MITF: variants seen among roughly 807,000 people sequenced by gnomAD.
The protein encoded by MITF is microphthalmia-associated transcription factor.
A neutral mutation model predicts 60.5 loss-of-function variants in MITF; 17 were observed. The observed-to-expected ratio is 0.28, with a 90% confidence interval of 0.19 to 0.42. The LOEUF is 0.42. MITF is among the 10% of genes least tolerant of loss of function. The pLI, the probability that MITF is intolerant of heterozygous loss-of-function variation, is 1.00. For synonymous variants in MITF, 260 were observed against 248.5 expected (o/e 1.05, Z -0.43); for missense variants, 622 against 683.5 (o/e 0.91, Z 1.00).
chr3:69,739,509 G>T lies in MITF; in HGVS notation c.-89G>T. 1 of 1,248,974 alleles carries T rather than the reference G, an allele frequency of 8.0e-7. No individual in the cohort carries two copies. Among genetic ancestry groups the T allele is most frequent in the Non-Finnish European group, 1.1e-6 (1 of 874,198 alleles). The allele number at this position is 1,248,974 out of a possible 1,614,324, so 77.4% of individuals were successfully genotyped here. A position where few individuals can be genotyped will look rare whatever the true frequency, so the allele number is the denominator to read the frequency against. On this transcript the variant is annotated 5_prime_UTR_variant, in exon 1 of 10. Coordinates refer to ENST00000352241, the MANE Select transcript of MITF (RefSeq NM_001354604.2). Reference sequence around the variant, plus strand: ...AGCTCGGCACTGCGCCGGGGCGCACGGCTCGGGGGACCCAGGCCCAGCTAC... The same window carrying T: ...AGCTCGGCACTGCGCCGGGGCGCACTGCTCGGGGGACCCAGGCCCAGCTAC...
At chr3:69,741,196 TG>T (rs1403882360) in intron 1 of MITF, among the ~76,000 whole-genome samples, 1 of 152,086 alleles carries the variant, frequency 6.6e-6, no homozygotes, top group Non-Finnish European at 1.5e-5. Context: ...TGTTGGGGGC[TG>T]GGGGTTTTGA....
At chr3:69,788,825 G>T (rs1046811545) in intron 1 of MITF, among the ~76,000 whole-genome samples, 1 of 152,112 alleles carries the variant, frequency 6.6e-6, no homozygotes, top group African/African-American at 2.4e-5. Context: ...TTTGACAAGG[G>T]TGCCAAGATG....
At chr3:69,787,062 C>A (rs2062661757) in intron 1 of MITF, among the ~76,000 whole-genome samples, 1 of 152,162 alleles carries the variant, frequency 6.6e-6, no homozygotes, top group African/African-American at 2.4e-5. Context: ...CTTATTCTCT[C>A]CCGCATGTGG....
chr3:69,960,779 C>T (rs979022800), intron 9 of MITF, among the ~76,000 whole-genome samples: 1 of 152,186 alleles, frequency 6.6e-6, no homozygotes, highest in African/African-American at 2.4e-5. Context: ...TCCTCCCGGA[C>T]GTTGAACTTT....
chr3:69,949,808 G>A (rs1048299947), intron 6 of MITF, among the ~76,000 whole-genome samples: 3 of 152,004 alleles, frequency 2.0e-5, no homozygotes, highest in East Asian at 1.9e-4. Flanking sequence ...AAAACATGGC[G>A]GAAACTATAT....
intron 8 of MITF, among the ~76,000 whole-genome samples, chr3:69,958,156 T>C (rs1296372931): frequency 6.6e-6 from 1 of 152,236 alleles, no homozygotes; most frequent in African/African-American, 2.4e-5. Context: ...AAACAATCAC[T>C]TCTTTTAAAC....
intron 2 of MITF, among the ~76,000 whole-genome samples, chr3:69,882,739 C>T (rs775391900): frequency 7.9e-5 from 12 of 152,110 alleles, no homozygotes; most frequent in African/African-American, 1.2e-4. Flanking sequence ...TAAAGCATCA[C>T]GGTACAAACC....
At chr3:69,915,626 T>C (rs1411072050) in intron 2 of MITF, among the ~76,000 whole-genome samples, 1 of 152,096 alleles carries the variant, frequency 6.6e-6, no homozygotes, top group Non-Finnish European at 1.5e-5. Flanking sequence ...TAAGCAACTT[T>C]TGTTAATTTT....
At chr3:69,963,970 C>CTTTTTTTTTTTTTTTTTTTTTTTTT (rs56921812) in intron 9 of MITF, among the ~76,000 whole-genome samples, 1 of 86,126 alleles carries the variant, frequency 1.2e-5, no homozygotes, top group Non-Finnish European at 2.1e-5. Context: ...TTTTTCTTTT[C>CTTTTTTTTTTTTTTTTTTTTTTTTT]TTTTTTTTTT....
chr3:69,897,511 G>A (rs1413400203), intron 2 of MITF, among the ~76,000 whole-genome samples: 9 of 152,028 alleles, frequency 5.9e-5, no homozygotes, highest in Non-Finnish European at 1.3e-4. Context: ...CATCTTTTTT[G>A]GTAAAGTTTT....
intron 1 of MITF, among the ~76,000 whole-genome samples, chr3:69,798,641 C>A (rs904792277): frequency 6.6e-6 from 1 of 152,240 alleles, no homozygotes. Context: ...AGCCCTCTAA[C>A]CCTTCCCCCT....
intron 1 of MITF, among the ~76,000 whole-genome samples, chr3:69,794,476 T>C (rs773317681): frequency 6.6e-6 from 1 of 152,208 alleles, no homozygotes; most frequent in Non-Finnish European, 1.5e-5. Flanking sequence ...GACTGGGCTA[T>C]AAACTTTGTG....
chr3:69,788,777 G>A (rs942374210), intron 1 of MITF, among the ~76,000 whole-genome samples: 1 of 152,152 alleles, frequency 6.6e-6, no homozygotes, highest in African/African-American at 2.4e-5. Flanking sequence ...AGAATAGAGA[G>A]CTCAGAAGTG....
Position 69,739,666 on chromosome 3 carries a change from C to T in MITF, c.69C>T (p.Thr23=), listed in dbSNP as rs745352985. ...AGGAGTTTCATGAAGAGCCCAAAAC[C>T]TATTACGAACTCAAAAGTCAACCGC... The part of the protein sequence containing the change: ...VGEEFHEEPK[T]YYELKSQPLK... Residue 23 remains threonine, a synonymous_variant, in exon 1 of 10, where the codon ACC becomes ACT. Transcript: ENST00000352241. 5.1e-6 allele frequency: 8 copies of T among 1,581,294 alleles called. No individual in the cohort carries two copies. In the South Asian group the frequency reaches 5.8e-5, roughly 11 times the overall value.
At position 69,949,252 on chromosome 3, in the gene MITF, A is replaced by C. The variant is rs1180057826; in HGVS notation, c.880+84A>C. 6.1e-6 allele frequency: 6 copies of C among 975,688 alleles called. No homozygotes were observed. In the East Asian group the frequency reaches 1.4e-4, roughly 23 times the overall value. 60.4% of individuals were successfully genotyped at this position (975,688 alleles called of 1,614,324 possible). On this transcript the variant is annotated intron_variant, in intron 6 of 9. Coordinates refer to ENST00000352241, the MANE Select transcript of MITF (RefSeq NM_001354604.2). ...AAAGTTATTGATATAGTGATGTGCA[A>C]ACTATATCCAACTCATGGACGTAAC...
At chr3:69,907,241 A>G (rs142148668) in intron 2 of MITF, among the ~76,000 whole-genome samples, 14 of 152,284 alleles carry the variant, frequency 9.2e-5, no homozygotes, top group African/African-American at 3.4e-4. Flanking sequence ...CCTACTTTCT[A>G]TGTCCAAAAC....
chr3:69,762,307 C>G (rs1327992040), intron 1 of MITF, among the ~76,000 whole-genome samples: 2 of 152,060 alleles, frequency 1.3e-5, no homozygotes, highest in Admixed American at 1.3e-4. Context: ...AATGTAAAAG[C>G]ATTCTTACTT....
intron 1 of MITF, among the ~76,000 whole-genome samples, chr3:69,783,185 G>A (rs1439892073): frequency 7.2e-5 from 11 of 152,058 alleles, no homozygotes; most frequent in Non-Finnish European, 1.5e-4. Context: ...CCAGGTGTGA[G>A]AACAATACTG....
At chr3:69,786,476 C>T (rs144626216) in intron 1 of MITF, among the ~76,000 whole-genome samples, 133 of 152,130 alleles carry the variant, frequency 8.7e-4, no homozygotes, top group African/African-American at 3.2e-3. Flanking sequence ...TAGTTAACAT[C>T]GTAAAATGAA....
Sources: allele counts gnomAD v4.1 joint callset (sites outside exome capture counted in the v4.1 genomes callset), GRCh38; gene constraint gnomAD v4.1.1; transcripts MANE v1.5; gene names NCBI Gene and HGNC (gene_info 2026-07-23, HGNC 2026-07-21).